Variants in KCNJ6 observed in about 807,000 individuals in gnomAD.
KCNJ6 encodes G protein-activated inward rectifier potassium channel 2.
A neutral mutation model predicts 34.2 loss-of-function variants in KCNJ6; 9 were observed. The observed-to-expected ratio is 0.26, with a 90% CI of 0.16 to 0.46. The LOEUF (loss-of-function observed/expected upper bound fraction) is 0.46, where lower values mean the gene tolerates loss of function less well. Among genes scored for constraint, KCNJ6 ranks in the 20% least tolerant of loss-of-function variants. The probability of loss-of-function intolerance (pLI) is 1.00; values close to 1 mark genes in which losing one functional copy is unlikely to be tolerated. For missense variants in KCNJ6, 236 were observed against 531.3 expected (o/e 0.44, Z 5.46); for synonymous variants, 196 against 207.1 (o/e 0.95, Z 0.46).
At chr21:37,779,230 G>T (rs2055157710) in intron 2 of KCNJ6, among the ~76,000 whole-genome samples, 1 of 152,122 alleles carries the variant, frequency 6.6e-6, no homozygotes, top group Non-Finnish European at 1.5e-5. Flanking sequence ...GAAGAGTCCT[G>T]TGAGGTGTGC....
At chr21:37,795,086 GTTAGT>G in intron 2 of KCNJ6, among the ~76,000 whole-genome samples, 1 of 152,238 alleles carries the variant, frequency 6.6e-6, no homozygotes, top group East Asian at 1.9e-4. Context: ...TGCTCTACAT[GTTAGT>G]TTAATGTATA....
chr21:37,625,440 G>A lies in KCNJ6; in HGVS notation c.991C>T (p.Leu331=), dbSNP rs377156642. 5 of 1,614,026 alleles carry A rather than the reference G, an allele frequency of 3.1e-6. No individual in the cohort carries two copies. The African/African-American group carries it at 6.7e-5, about 22-fold the overall frequency. ...ACAGGTGTGAACCGGTAACCCCACA[G>A]GATCTCACTGGTGATGTAGGAGCTT... The part of the protein sequence containing the change: ...ARSSYITSEI[L]WGYRFTPVLT... Residue 331 remains leucine, a synonymous_variant, in exon 4 of 4, where the codon CTG becomes TTG. Transcript: ENST00000609713.
rs867144583 is a variant in KCNJ6 at position 37,607,480 on chromosome 21, A to T, written c.*17679T>A. On this transcript the variant is annotated 3_prime_UTR_variant, in exon 4 of 4. Transcript: ENST00000609713. The stretch of plus-strand genomic sequence containing the variant: ...TTCTTAAAGATATATATATATATAT[A>T]TATTTTTTTTTTATTTTAAAAAAAT... The T allele has an allele frequency of 4.5e-4, 57 of 126,958 alleles. No homozygotes were observed. Among genetic ancestry groups the T allele is most frequent in the East Asian group, 2.7e-3 (12 of 4,438 alleles). 7.9% of individuals were successfully genotyped at this position (126,958 alleles called of 1,614,324 possible).
At position 37,624,010 on chromosome 21, in the gene KCNJ6, G is replaced by C. The variant is rs915416099; in HGVS notation, c.*1149C>G. ...GCTAACTTACCATGTCTCATTGTAAGAGTGTAGAGAAACTACAGCTGGAGA... is the reference window on the plus strand; with the variant it reads ...GCTAACTTACCATGTCTCATTGTAACAGTGTAGAGAAACTACAGCTGGAGA... On this transcript the variant is annotated 3_prime_UTR_variant, in exon 4 of 4. Transcript: ENST00000609713. The C allele has an allele frequency of 1.3e-5, 2 of 152,196 alleles. No homozygotes were observed. The highest frequency in any genetic ancestry group is 4.8e-5 in the African/African-American group (2 of 41,440). The allele number at this position is 152,196 out of a possible 1,614,324, so 9.4% of individuals were successfully genotyped here.
chr21:37,815,308 G>A (rs2055341584), intron 2 of KCNJ6, among the ~76,000 whole-genome samples: 1 of 152,210 alleles, frequency 6.6e-6, no homozygotes, highest in South Asian at 2.1e-4. Context: ...TGCTTGAGAG[G>A]ATGGATACCT....
intron 2 of KCNJ6, among the ~76,000 whole-genome samples, chr21:37,783,952 A>G (rs2055181565): frequency 6.6e-6 from 1 of 152,232 alleles, no homozygotes; most frequent in South Asian, 2.1e-4. Flanking sequence ...AAGAGACTGC[A>G]CACCAAAAAT....
chr21:37,748,041 T>C (rs2835927), intron 2 of KCNJ6, among the ~76,000 whole-genome samples: 10,417 of 152,206 alleles, frequency 0.068, 702 homozygotes, highest in African/African-American at 0.18. Context: ...CACAGGCTTG[T>C]GACTTGTAAT....
At chr21:37,814,359 G>C (rs1361471568) in intron 2 of KCNJ6, among the ~76,000 whole-genome samples, 1 of 152,174 alleles carries the variant, frequency 6.6e-6, no homozygotes, top group Admixed American at 6.5e-5. Context: ...CCACTATGGA[G>C]AACAGTTTGG....
intron 3 of KCNJ6, among the ~76,000 whole-genome samples, chr21:37,645,959 T>TA (rs2054402466): frequency 0.087 from 14 of 160 alleles, no homozygotes; most frequent in South Asian, 0.43. Flanking sequence ...TATGACTCTG[T>TA]TAAGGACTCT....
chr21:37,720,158 T>C (rs2054817445), intron 2 of KCNJ6, among the ~76,000 whole-genome samples: 1 of 152,178 alleles, frequency 6.6e-6, no homozygotes, highest in Admixed American at 6.5e-5. Flanking sequence ...TTTGAAATTT[T>C]CTAGAATACA....
chr21:37,640,666 G>T (rs1174125909), intron 3 of KCNJ6, among the ~76,000 whole-genome samples: 2 of 152,140 alleles, frequency 1.3e-5, no homozygotes, highest in African/African-American at 2.4e-5. Flanking sequence ...TTGATGTCAG[G>T]GTTTACTTTA....
In KCNJ6 at chr21:37,886,492, T is replaced by A. The variant is rs1040364112; in HGVS notation, c.-28+29392A>T. Among the ~76,000 whole-genome samples the A allele has an allele frequency of 1.3e-5, 2 of 152,218 alleles. 1 individual carries two copies. The highest frequency in any genetic ancestry group is 2.9e-5 in the Non-Finnish European group (2 of 68,034). On this transcript the variant is annotated intron_variant, in intron 1 of 3. Coordinates refer to ENST00000609713, the MANE Select transcript of KCNJ6 (RefSeq NM_002240.5). ...TTTCCAAGCTCCTTAAAGAATCTCA[T>A]GTAATTAGAGCTAACCTGTCCCAAT...
At chr21:37,895,298 A>G (rs527773358) in intron 1 of KCNJ6, among the ~76,000 whole-genome samples, 23 of 152,212 alleles carry the variant, frequency 1.5e-4, no homozygotes, top group Non-Finnish European at 3.1e-4. Context: ...TTAGCTGCCT[A>G]GAAATGTGAA....
chr21:37,906,114 T>A (rs916476509), intron 1 of KCNJ6, among the ~76,000 whole-genome samples: 2 of 152,222 alleles, frequency 1.3e-5, no homozygotes, highest in African/African-American at 4.8e-5. Flanking sequence ...TCAGGATGGA[T>A]TAACTATAAT....
chr21:37,715,110 G>A lies in KCNJ6; in HGVS notation c.47C>T (p.Ser16Phe), dbSNP rs1265261957. Reference sequence around the variant, plus strand: ...TGGGCTTTCGACGTCCTGATCCATGGAGTCGCCCTCCAGGACGTTAGCTGG... The same window carrying A: ...TGGGCTTTCGACGTCCTGATCCATGAAGTCGCCCTCCAGGACGTTAGCTGG... ...ESMTNVLEGD[S>F]MDQDVESPVA... Residue 16 changes from serine to phenylalanine, a missense_variant, in exon 3 of 4, where the codon TCC becomes TTC. This residue lies in a region of KCNJ6 where 64 missense variants were observed against 68.9 expected (regional missense o/e 0.93). Transcript: ENST00000609713. 1 of 1,613,418 alleles carries A rather than the reference G, an allele frequency of 6.2e-7. No individual in the cohort carries two copies. The highest frequency in any genetic ancestry group is 8.5e-7 in the Non-Finnish European group (1 of 1,179,624).
intron 1 of KCNJ6, among the ~76,000 whole-genome samples, chr21:37,905,738 AG>A (rs2055838435): frequency 6.6e-6 from 1 of 152,198 alleles, no homozygotes; most frequent in African/African-American, 2.4e-5. Flanking sequence ...TCTAAGTTTA[AG>A]GCCTCTGGGA....
chr21:37,625,317 C>T lies in KCNJ6; in HGVS notation c.1114G>A (p.Glu372Lys), dbSNP rs763290119. Residue 372 changes from glutamate (E) to lysine (K), a missense_variant, in exon 4 of 4, where the codon GAG becomes AAG. Transcript: ENST00000609713. ...TPSLSAKELA[E>K]LASRAELPLS... ...GGCAGCTCTGCCCTGCTGGCTAACT[C>T]GGCCAGCTCTTTGGCACTAAGGGAT... is the stretch of plus-strand genomic sequence containing the variant. 17 of 1,614,092 alleles carry T rather than the reference C, an allele frequency of 1.1e-5. No homozygotes were observed. Among genetic ancestry groups the T allele is most frequent in the African/African-American group, 2.7e-5 (2 of 74,940 alleles).
At chr21:37,892,957 G>C (rs1373161791) in intron 1 of KCNJ6, among the ~76,000 whole-genome samples, 1 of 150,174 alleles carries the variant, frequency 6.7e-6, no homozygotes, top group African/African-American at 2.5e-5. Flanking sequence ...GGTTCACACT[G>C]TTCTCCTGCC....
chr21:37,845,793 C>A (rs983530611), intron 1 of KCNJ6, among the ~76,000 whole-genome samples: 1 of 152,126 alleles, frequency 6.6e-6, no homozygotes, highest in Non-Finnish European at 1.5e-5. Context: ...GGGAACTACT[C>A]GTCAACAGCT....
Sources: gnomAD v4.1 joint callset for allele counts (sites outside exome capture counted in the v4.1 genomes callset) on GRCh38, gnomAD v4.1.1 for gene constraint, gnomAD v4.1.1 regional missense constraint, MANE v1.5 for transcripts, NCBI Gene and HGNC (gene_info 2026-07-23, HGNC 2026-07-21) for gene names.